The following NME8 variants were observed in gnomAD, a reference collection of about 807,000 sequenced individuals.
NME8 encodes the protein NME/NM23 family member 8.
A neutral mutation model predicts 82.3 loss-of-function variants in NME8; 72 were observed. The observed-to-expected ratio is 0.87, with a 90% CI of 0.72 to 1.06. The LOEUF is 1.06. NME8 is among the 50% of genes least tolerant of loss of function. NME8 has a pLI of 0.00. For synonymous variants in NME8, 267 were observed against 228.5 expected (o/e 1.17, Z -1.52); for missense variants, 712 against 685.4 (o/e 1.04, Z -0.43).
At chr7:37,851,509 T>C (rs1206396257) in intron 5 of NME8, among the ~76,000 whole-genome samples, 1 of 137,338 alleles carries the variant, frequency 7.3e-6, no homozygotes, top group Non-Finnish European at 1.6e-5. Context: ...AATTAAGACA[T>C]ACTCAAGTGT....
At chr7:37,894,091 A>G (rs948417553) in intron 15 of NME8, among the ~76,000 whole-genome samples, 1 of 152,120 alleles carries the variant, frequency 6.6e-6, no homozygotes, top group Non-Finnish European at 1.5e-5. Context: ...CTTCAGGGAG[A>G]AGAGTTCAGA....
At chr7:37,895,825 C>G (rs1279560227) in intron 16 of NME8, among the ~76,000 whole-genome samples, 1 of 152,110 alleles carries the variant, frequency 6.6e-6, no homozygotes, top group African/African-American at 2.4e-5. Context: ...TTACAGTTGT[C>G]TACAGTATTC....
intron 8 of NME8, 82 bp downstream of exon 8, chr7:37,863,544 C>T: frequency 3.7e-6 from 3 of 800,382 alleles, no homozygotes; most frequent in Non-Finnish European, 6.8e-6. Context: ...CAGCAAAACA[C>T]TGGTAACAAA....
At chr7:37,860,872 C>T (rs1343136084) in intron 6 of NME8, among the ~76,000 whole-genome samples, 3 of 152,138 alleles carry the variant, frequency 2.0e-5, no homozygotes, top group African/African-American at 7.2e-5. Context: ...ATAATTTATC[C>T]AGTTTTCAAG....
chr7:37,873,834 G>A (rs1202193579), intron 11 of NME8, among the ~76,000 whole-genome samples: 3 of 152,296 alleles, frequency 2.0e-5, no homozygotes, highest in Middle Eastern at 3.4e-3. Flanking sequence ...GGTACATGGC[G>A]CTGATAAAAA....
intron 17 of NME8, 134 bp downstream of exon 17, chr7:37,897,241 G>A: frequency 1.5e-6 from 1 of 653,430 alleles, no homozygotes; most frequent in South Asian, 1.9e-5. Flanking sequence ...GAGACACACT[G>A]TTCTATTGCA....
chr7:37,887,290 T>C (rs1020642819), intron 14 of NME8, among the ~76,000 whole-genome samples: 1 of 152,220 alleles, frequency 6.6e-6, no homozygotes, highest in African/African-American at 2.4e-5. Flanking sequence ...TCTACTTCTC[T>C]TTTATTGCTG....
intron 6 of NME8, among the ~76,000 whole-genome samples, chr7:37,858,054 A>G (rs1212441114): frequency 1.3e-5 from 2 of 152,072 alleles, no homozygotes; most frequent in East Asian, 3.8e-4. Flanking sequence ...AAGTAATAAT[A>G]AAATAAATAT....
At position 37,881,269 on chromosome 7, in the gene NME8, A is replaced by C. The variant is rs192069934; in HGVS notation, c.995-3034A>C. Among the ~76,000 whole-genome samples the C allele has an allele frequency of 3.3e-5, 5 of 152,154 alleles. No homozygotes were observed. In the East Asian group the frequency reaches 9.6e-4, roughly 29 times the overall value. On this transcript the variant is annotated intron_variant, in intron 12 of 17. Coordinates refer to ENST00000199447, the MANE Select transcript of NME8 (RefSeq NM_016616.5). ...GAGGCAAAGCATCTAGTTTCTTTCC[A>C]TTAAGGACAGTGTTAACTGTAGGAT... is the stretch of plus-strand genomic sequence containing the variant.
chr7:37,865,094 A>G (rs543708010), intron 9 of NME8, among the ~76,000 whole-genome samples: 1 of 152,310 alleles, frequency 6.6e-6, no homozygotes, highest in South Asian at 2.1e-4. Flanking sequence ...AAAACGAATC[A>G]TGGTTTCTCA....
rs766229452 is a variant in NME8, at chr7:37,897,101, C to T, written c.*9C>T. Reference sequence around the variant, plus strand: ...ATCCTGAGGAAAACTAAAGTATATACTGTGAAGTACGTACCTGTTTAATTA... The same window carrying T: ...ATCCTGAGGAAAACTAAAGTATATATTGTGAAGTACGTACCTGTTTAATTA... On this transcript the variant is annotated 3_prime_UTR_variant, in exon 17 of 18. Coordinates refer to ENST00000199447, the MANE Select transcript of NME8 (RefSeq NM_016616.5). The T allele has an allele frequency of 1.3e-6, 2 of 1,539,660 alleles. No homozygotes were observed. Among genetic ancestry groups the T allele is most frequent in the Admixed American group, 1.7e-5 (1 of 59,806 alleles).
intron 11 of NME8, among the ~76,000 whole-genome samples, chr7:37,873,794 G>A (rs1416514997): frequency 1.3e-5 from 2 of 152,208 alleles, no homozygotes; most frequent in Admixed American, 6.5e-5. Context: ...GTACATAGGC[G>A]CATTATCACT....
intron 5 of NME8, among the ~76,000 whole-genome samples, chr7:37,853,402 A>G (rs1192143109): frequency 6.6e-6 from 1 of 152,188 alleles, no homozygotes. Context: ...TTCTTCACAG[A>G]GAAGAAAAAT....
At chr7:37,852,211 G>A (rs1327429062) in intron 5 of NME8, among the ~76,000 whole-genome samples, 1 of 151,696 alleles carries the variant, frequency 6.6e-6, no homozygotes, top group Admixed American at 6.6e-5. Context: ...AGCAGTTTTA[G>A]GCTCATAGCA....
At chr7:37,863,510 C>T (rs772658808) in intron 8 of NME8, 48 bp downstream of exon 8, 15 of 1,044,208 alleles carry the variant, frequency 1.4e-5, no homozygotes, top group South Asian at 5.0e-5. Flanking sequence ...TGTACGTGGG[C>T]GGTCATCACA....
At chr7:37,884,833 A>G (rs1298635463) in intron 13 of NME8, among the ~76,000 whole-genome samples, 1 of 152,246 alleles carries the variant, frequency 6.6e-6, no homozygotes, top group African/African-American at 2.4e-5. Flanking sequence ...TCTTTCTAGA[A>G]GAATGACTGA....
Position 37,883,438 on chromosome 7 carries a change from A to C in NME8, c.995-865A>C, listed in dbSNP as rs375172915. Among the ~76,000 whole-genome samples the C allele has an allele frequency of 6.4e-4, 98 of 152,340 alleles. 2 individuals are homozygous for C. The South Asian group carries it at 0.019, about 30-fold the overall frequency. On this transcript the variant is annotated intron_variant, in intron 12 of 17. Coordinates refer to ENST00000199447, the MANE Select transcript of NME8 (RefSeq NM_016616.5). ...TATTTCTTAAACTGTATTAACATGC[A>C]TGATACTTTGTTTTATTCTTTCCTT...
At chr7:37,890,327 A>G (rs1488433924) in intron 15 of NME8, among the ~76,000 whole-genome samples, 1 of 151,960 alleles carries the variant, frequency 6.6e-6, no homozygotes, top group Non-Finnish European at 1.5e-5. Context: ...TTGAAACATA[A>G]TTGTCCATAT....
chr7:37,887,931 C>T (rs1785068807), intron 14 of NME8, among the ~76,000 whole-genome samples: 1 of 152,128 alleles, frequency 6.6e-6, no homozygotes, highest in African/African-American at 2.4e-5. Context: ...AGTTAGCTCC[C>T]ACTAGGTCCT....
Sources: allele counts gnomAD v4.1 joint callset (sites outside exome capture counted in the v4.1 genomes callset), GRCh38; gene constraint gnomAD v4.1.1; transcripts MANE v1.5; gene names NCBI Gene and HGNC (gene_info 2026-07-23, HGNC 2026-07-21).